The following TBC1D5 variants were observed in gnomAD, a reference collection of about 807,000 sequenced individuals.
TBC1D5 encodes TBC1 domain family member 5, also known as TBC1 domain family, member 5.
Under a neutral mutation model 100.3 loss-of-function variants are expected in TBC1D5, and 75 were observed. The observed-to-expected ratio is 0.75, with a 90% CI of 0.62 to 0.91. The LOEUF is 0.91. Ranked by LOEUF, TBC1D5 falls within the 40% of genes least tolerant of loss-of-function variation. TBC1D5 has a pLI of 0.00. For missense variants in TBC1D5, 910 were observed against 942.4 expected (o/e 0.97, Z 0.45); for synonymous variants, 323 against 325.6 (o/e 0.99, Z 0.09).
chr3:17,343,441 G>GT (rs1372621948), intron 13 of TBC1D5, among the ~76,000 whole-genome samples: 1 of 150,380 alleles, frequency 6.6e-6, no homozygotes, highest in Non-Finnish European at 1.5e-5. Flanking sequence ...TTTTGGTTGT[G>GT]TCTCTGCCCG....
chr3:17,299,943 G>T (rs187428810), intron 14 of TBC1D5, among the ~76,000 whole-genome samples: 1 of 151,640 alleles, frequency 6.6e-6, no homozygotes, highest in Non-Finnish European at 1.5e-5. Flanking sequence ...CTGGGGGAGT[G>T]GGTATATGCA....
At chr3:17,726,628 G>A (rs1577834138) in intron 1 of TBC1D5, among the ~76,000 whole-genome samples, 1 of 152,114 alleles carries the variant, frequency 6.6e-6, no homozygotes, top group Non-Finnish European at 1.5e-5. Context: ...CTGTTGGATG[G>A]ATAGTTTAGA....
At chr3:17,373,344 A>G (rs2092559895) in intron 12 of TBC1D5, among the ~76,000 whole-genome samples, 3 of 152,152 alleles carry the variant, frequency 2.0e-5, no homozygotes, top group Admixed American at 6.5e-5. Flanking sequence ...TACCAATATA[A>G]AGGAAATAAG....
exon 22 of TBC1D5, chr3:17,159,095 G>A (rs1001877474): frequency 1.3e-5 from 2 of 152,234 alleles, no homozygotes; most frequent in African/African-American, 4.8e-5. Context: ...GGAACACTCA[G>A]AGCCAGAAGC....
chr3:17,377,716 A>C (rs1269301538), intron 9 of TBC1D5, among the ~76,000 whole-genome samples: 2 of 152,032 alleles, frequency 1.3e-5, no homozygotes, highest in Non-Finnish European at 2.9e-5. Flanking sequence ...TATTCTTAGA[A>C]AGCCAATTGT....
intron 18 of TBC1D5, among the ~76,000 whole-genome samples, chr3:17,207,174 A>AT (rs2072321069): frequency 6.6e-6 from 1 of 152,070 alleles, no homozygotes; most frequent in Non-Finnish European, 1.5e-5. Context: ...CTTATACTCT[A>AT]TTTTTTGTAT....
intron 2 of TBC1D5, among the ~76,000 whole-genome samples, chr3:17,622,393 C>A (rs541296887): frequency 2.6e-5 from 4 of 152,132 alleles, no homozygotes; most frequent in African/African-American, 9.6e-5. Flanking sequence ...GCATGTGTAG[C>A]CCCTTCAGTA....
At chr3:17,268,416 TA>T in intron 15 of TBC1D5, among the ~76,000 whole-genome samples, 1 of 151,928 alleles carries the variant, frequency 6.6e-6, no homozygotes, top group Non-Finnish European at 1.5e-5. Context: ...AATAATGTTT[TA>T]AAAAATGCAT....
chr3:17,381,118 T>C (rs1319046563), intron 9 of TBC1D5, among the ~76,000 whole-genome samples: 2 of 152,204 alleles, frequency 1.3e-5, no homozygotes, highest in East Asian at 3.9e-4. Flanking sequence ...AAGTTAATAA[T>C]AGTTTCTAAT....
At chr3:17,593,209 G>A (rs1183242518) in intron 2 of TBC1D5, among the ~76,000 whole-genome samples, 2 of 152,156 alleles carry the variant, frequency 1.3e-5, no homozygotes. Flanking sequence ...GGTGACCTCA[G>A]CAGAGGAGGA....
chr3:17,573,207 A>G lies in TBC1D5; in HGVS notation c.-36+50642T>C. Among the ~76,000 whole-genome samples the G allele has an allele frequency of 1.3e-5, 2 of 151,962 alleles. 1 individual carries two copies. Among genetic ancestry groups the G allele is most frequent in the East Asian group, 3.9e-4 (2 of 5,170 alleles). On this transcript the variant is annotated intron_variant, in intron 2 of 21. Transcript: ENST00000253692. ...ATCAACCAACCTCTCCCGCAGGTCA[A>G]ATGCCAGTATTTCCTTTCCGGTCTT...
chr3:17,334,484 C>A (rs1167509736), intron 13 of TBC1D5, among the ~76,000 whole-genome samples: 1 of 152,072 alleles, frequency 6.6e-6, no homozygotes, highest in Non-Finnish European at 1.5e-5. Context: ...ATAGACGAAG[C>A]AGTTGCAGTG....
At chr3:17,580,177 G>C (rs1318219358) in intron 2 of TBC1D5, among the ~76,000 whole-genome samples, 1 of 152,086 alleles carries the variant, frequency 6.6e-6, no homozygotes, top group Non-Finnish European at 1.5e-5. Context: ...ACTGCAGCTT[G>C]ATGGTTCTCC....
chr3:17,399,636 T>C (rs2093597071), intron 8 of TBC1D5, among the ~76,000 whole-genome samples: 1 of 152,094 alleles, frequency 6.6e-6, no homozygotes, highest in Non-Finnish European at 1.5e-5. Context: ...ATTATCTTTG[T>C]AGGTATCATG....
intron 11 of TBC1D5, 34 bp downstream of exon 11, chr3:17,374,595 A>AC (rs1559748543): frequency 6.2e-7 from 1 of 1,609,150 alleles, no homozygotes; most frequent in South Asian, 1.1e-5. Context: ...ATGATGGTAT[A>AC]AAAAAATAAA....
chr3:17,287,611 T>C (rs2081302991), intron 15 of TBC1D5, among the ~76,000 whole-genome samples: 1 of 152,222 alleles, frequency 6.6e-6, no homozygotes, highest in African/African-American at 2.4e-5. Context: ...TCTGCCTACC[T>C]CATAGGGTTG....
chr3:17,591,249 A>AAAAAC (rs2096767804), intron 2 of TBC1D5, among the ~76,000 whole-genome samples: 2 of 138,806 alleles, frequency 1.4e-5, no homozygotes, highest in Admixed American at 7.1e-5. Context: ...AAAAAAAAAA[A>AAAAAC]AAAAAAAAAA....
chr3:17,326,512 G>A (rs537727700), intron 13 of TBC1D5, among the ~76,000 whole-genome samples: 1 of 152,216 alleles, frequency 6.6e-6, no homozygotes, highest in South Asian at 2.1e-4. Context: ...TCACTCTGTT[G>A]CCCAGGCTGG....
intron 19 of TBC1D5, among the ~76,000 whole-genome samples, chr3:17,182,799 A>G (rs1307577701): frequency 2.0e-5 from 3 of 152,196 alleles, no homozygotes; most frequent in African/African-American, 7.2e-5. Flanking sequence ...ATTAGATAAT[A>G]TAAGATTCAT....
Sources: allele counts gnomAD v4.1 joint callset (sites outside exome capture counted in the v4.1 genomes callset), GRCh38; gene constraint gnomAD v4.1.1; transcripts MANE v1.5; gene names NCBI Gene and HGNC (gene_info 2026-07-23, HGNC 2026-07-21).